PHTF2: variants seen among roughly 807,000 people sequenced by gnomAD.
The protein encoded by PHTF2 is putative homeodomain transcription factor 2, also known as protein PHTF2.
In PHTF2, 60 loss-of-function variants were observed where a neutral mutation model predicts 101.2. The ratio of observed to expected loss-of-function variants is 0.59; its 90% confidence interval spans 0.48 to 0.73. The LOEUF is 0.73. Ranked by LOEUF, PHTF2 falls within the 30% of genes least tolerant of loss-of-function variation. The probability of loss-of-function intolerance (pLI) is 0.00; values close to 1 mark genes in which losing one functional copy is unlikely to be tolerated. For synonymous variants in PHTF2, 311 were observed against 307.3 expected, an observed-to-expected ratio of 1.01 and a Z score of -0.13; for missense variants, 747 against 908.7, an observed-to-expected ratio of 0.82 and a Z score of 2.29.
At chr7:77,837,763 AGT>A (rs1795579616) in intron 1 of PHTF2, among the ~76,000 whole-genome samples, 1 of 152,218 alleles carries the variant, frequency 6.6e-6, no homozygotes, top group East Asian at 1.9e-4. Context: ...TGAGGCAGGC[AGT>A]GTTTTTCAAA....
intron 9 of PHTF2, among the ~76,000 whole-genome samples, chr7:77,910,804 G>C (rs534322176): frequency 1.3e-5 from 2 of 151,978 alleles, no homozygotes; most frequent in Non-Finnish European, 2.9e-5. Flanking sequence ...ACCACACCTG[G>C]CTAATTTTTT....
chr7:77,954,640 A>ATATATGTATGTG (rs1562982943), intron 19 of PHTF2, among the ~76,000 whole-genome samples: 1 of 143,006 alleles, frequency 7.0e-6, no homozygotes, highest in African/African-American at 2.5e-5. Context: ...ATATATATAT[A>ATATATGTATGTG]TATATAGCCA....
At chr7:77,913,700 T>G (rs1802627273) in intron 9 of PHTF2, among the ~76,000 whole-genome samples, 1 of 152,114 alleles carries the variant, frequency 6.6e-6, no homozygotes, top group Non-Finnish European at 1.5e-5. Context: ...TCTCCCACCT[T>G]AACCTCCCAA....
intron 16 of PHTF2, 52 bp from the exon 16 acceptor site, chr7:77,949,626 G>T: frequency 1.0e-6 from 1 of 955,772 alleles, no homozygotes; most frequent in African/African-American, 1.6e-5. Context: ...CTTTTGAAAA[G>T]AAATTGTTTG....
chr7:77,847,931 G>T (rs1440506192), intron 2 of PHTF2, among the ~76,000 whole-genome samples: 1 of 151,926 alleles, frequency 6.6e-6, no homozygotes, highest in Non-Finnish European at 1.5e-5. Context: ...TTAATTTTTA[G>T]CTCCCACAAA....
At chr7:77,833,348 G>T (rs1483204403) in intron 1 of PHTF2, among the ~76,000 whole-genome samples, 1 of 152,216 alleles carries the variant, frequency 6.6e-6, no homozygotes, top group Non-Finnish European at 1.5e-5. Flanking sequence ...TCAGATTGTA[G>T]AGAGTCTAAA....
intron 3 of PHTF2, among the ~76,000 whole-genome samples, chr7:77,880,767 C>G (rs1799343692): frequency 1.3e-5 from 2 of 152,080 alleles, no homozygotes; most frequent in Non-Finnish European, 2.9e-5. Flanking sequence ...TCAGGAGAAG[C>G]AGAGGGAAAA....
chr7:77,836,117 C>T (rs1480828271), intron 1 of PHTF2, among the ~76,000 whole-genome samples: 1 of 66,818 alleles, frequency 1.5e-5, no homozygotes, highest in Non-Finnish European at 2.7e-5. Context: ...AAAACTCCAT[C>T]TCAAAAAAAA....
intron 14 of PHTF2, 102 bp downstream of exon 13, chr7:77,940,404 A>G (rs1255296813): frequency 7.8e-7 from 1 of 1,284,638 alleles, no homozygotes; most frequent in South Asian, 1.6e-5. Flanking sequence ...ATTTTTACCT[A>G]ATTATTTTTT....
intron 7 of PHTF2, among the ~76,000 whole-genome samples, chr7:77,904,972 T>G (rs1199370724): frequency 6.6e-6 from 1 of 152,192 alleles, no homozygotes; most frequent in Non-Finnish European, 1.5e-5. Flanking sequence ...TCATAAACTT[T>G]CTTAAAACCT....
intron 3 of PHTF2, among the ~76,000 whole-genome samples, chr7:77,891,738 C>T (rs2150792783): frequency 6.6e-6 from 1 of 152,088 alleles, no homozygotes; most frequent in African/African-American, 2.4e-5. Context: ...AAGCATGTGC[C>T]ACCACACCTA....
At chr7:77,943,110 C>CT (rs74223569) in intron 16 of PHTF2, among the ~76,000 whole-genome samples, 64,183 of 151,568 alleles carry the variant, frequency 0.42, 15,342 homozygotes, top group East Asian at 0.68. Context: ...GTTTACTATT[C>CT]TTTTCTTTCT....
chr7:77,815,286 A>G (rs1164965453), intron 1 of PHTF2, among the ~76,000 whole-genome samples: 1 of 152,118 alleles, frequency 6.6e-6, no homozygotes, highest in Non-Finnish European at 1.5e-5. Flanking sequence ...AATGACTGCA[A>G]AAGTACCAGG....
At chr7:77,838,386 A>G (rs1288837428) in intron 1 of PHTF2, among the ~76,000 whole-genome samples, 4 of 152,340 alleles carry the variant, frequency 2.6e-5, no homozygotes, top group South Asian at 4.1e-4. Context: ...GAGAATTGAC[A>G]TTGTGACCTT....
chr7:77,847,874 C>G (rs945796473), intron 2 of PHTF2, among the ~76,000 whole-genome samples: 4 of 152,146 alleles, frequency 2.6e-5, no homozygotes, highest in Admixed American at 2.6e-4. Flanking sequence ...CCTTCCCAGC[C>G]TCTGGTAATG....
At chr7:77,810,302 A>G (rs1793334892) in intron 1 of PHTF2, among the ~76,000 whole-genome samples, 3 of 152,230 alleles carry the variant, frequency 2.0e-5, no homozygotes. Context: ...CAGCACAATT[A>G]TCAAAATCAG....
At chr7:77,838,168 GC>G (rs757052086) in intron 1 of PHTF2, among the ~76,000 whole-genome samples, 1 of 152,156 alleles carries the variant, frequency 6.6e-6, no homozygotes, top group Non-Finnish European at 1.5e-5. Context: ...AATCAGTGGG[GC>G]AAACCTCTGG....
intron 3 of PHTF2, among the ~76,000 whole-genome samples, chr7:77,857,211 G>A (rs1291573940): frequency 6.6e-6 from 1 of 152,182 alleles, no homozygotes; most frequent in African/African-American, 2.4e-5. Flanking sequence ...TCTTTCATGG[G>A]GGAGTTAACA....
intron 13 of PHTF2, among the ~76,000 whole-genome samples, chr7:77,939,719 C>G (rs1805480744): frequency 2.0e-5 from 3 of 151,860 alleles, no homozygotes; most frequent in Non-Finnish European, 4.4e-5. Flanking sequence ...ATCTCATTCT[C>G]TTTAATATTG....
Sources: gnomAD v4.1 joint callset for allele counts (sites outside exome capture counted in the v4.1 genomes callset) on GRCh38, gnomAD v4.1.1 for gene constraint, MANE v1.5 for transcripts, NCBI Gene and HGNC (gene_info 2026-07-23, HGNC 2026-07-21) for gene names.